PARD3: variants seen among roughly 807,000 people sequenced by gnomAD.
PARD3 encodes par-3 family cell polarity regulator.
A neutral mutation model predicts 155.4 loss-of-function variants in PARD3; 75 were observed. That is an observed-to-expected ratio of 0.48 (90% CI 0.40 to 0.58). The LOEUF (loss-of-function observed/expected upper bound fraction) is 0.58, where lower values mean the gene tolerates loss of function less well. PARD3 is among the 20% of genes least tolerant of loss of function. The pLI is 0.00. For synonymous variants in PARD3, 576 were observed against 610.5 expected (o/e 0.94, Z 0.83); for missense variants, 1,642 against 1,721.7 (o/e 0.95, Z 0.82).
At chr10:34,666,922 A>G (rs1043927464) in intron 2 of PARD3, among the ~76,000 whole-genome samples, 1 of 151,694 alleles carries the variant, frequency 6.6e-6, no homozygotes, top group Non-Finnish European at 1.5e-5. Flanking sequence ...TAATCCCAGC[A>G]CTTTGGGAGA....
chr10:34,720,751 C>T (rs1457616035), intron 1 of PARD3, among the ~76,000 whole-genome samples: 1 of 151,884 alleles, frequency 6.6e-6, no homozygotes, highest in Non-Finnish European at 1.5e-5. Flanking sequence ...GAGCCAAGAT[C>T]GCGCCATTGC....
At chr10:34,629,303 T>G (rs1398133664) in intron 2 of PARD3, among the ~76,000 whole-genome samples, 1 of 152,200 alleles carries the variant, frequency 6.6e-6, no homozygotes, top group Admixed American at 6.5e-5. Flanking sequence ...ATCTACACCT[T>G]AGGAGGCAAA....
In PARD3 at chr10:34,652,994, A is replaced by C. The variant is rs566544617; in HGVS notation, c.222+43324T>G. ...TTTAATGACAAACCTTAGAGCTCTA[A>C]AGGAAGGGAGGGGGCACAGACTCGC... On this transcript the variant is annotated intron_variant, in intron 2 of 24. Transcript: ENST00000374788. Among the ~76,000 whole-genome samples the C allele has an allele frequency of 7.9e-5, 12 of 152,304 alleles. No individual in the cohort carries two copies. The South Asian group carries it at 2.3e-3, about 29-fold the overall frequency.
chr10:34,504,611 C>A (rs181683320), intron 3 of PARD3, among the ~76,000 whole-genome samples: 45 of 152,232 alleles, frequency 3.0e-4, no homozygotes, highest in Non-Finnish European at 5.7e-4. Flanking sequence ...CAGAGAGAGA[C>A]TACCAGCTGT....
chr10:34,315,420 C>A (rs1242609013), intron 20 of PARD3, among the ~76,000 whole-genome samples: 1 of 152,186 alleles, frequency 6.6e-6, no homozygotes, highest in East Asian at 1.9e-4. Flanking sequence ...CAGAACAGAG[C>A]ACTTAAACAG....
At chr10:34,201,507 C>T (rs1474545638) in intron 22 of PARD3, among the ~76,000 whole-genome samples, 4 of 152,272 alleles carry the variant, frequency 2.6e-5, no homozygotes, top group African/African-American at 9.6e-5. Context: ...ATACTAAGGG[C>T]ATAGAATGCT....
In PARD3 at chr10:34,110,966, C is replaced by G. The variant is rs577997932; in HGVS notation, c.*203G>C. On this transcript the variant is annotated 3_prime_UTR_variant, in exon 25 of 25. Transcript: ENST00000374788. ...AGATGATTGTCACAGGGTGGGAAAT[C>G]CTTCCATGAAACAGACACTTGAGAC... 8 of 498,962 alleles carry G rather than the reference C, an allele frequency of 1.6e-5. No individual in the cohort carries two copies. The highest frequency in any genetic ancestry group is 2.4e-5 in the Non-Finnish European group (7 of 290,266). The allele number at this position is 498,962 out of a possible 1,614,324, so 30.9% of individuals were successfully genotyped here.
At chr10:34,121,247 C>A (rs1023324844) in intron 23 of PARD3, among the ~76,000 whole-genome samples, 1 of 152,180 alleles carries the variant, frequency 6.6e-6, no homozygotes, top group African/African-American at 2.4e-5. Flanking sequence ...CCTTCTAGAT[C>A]TGGCCTTTTG....
chr10:34,400,208 C>T (rs1361615935), intron 6 of PARD3, among the ~76,000 whole-genome samples: 1 of 152,158 alleles, frequency 6.6e-6, no homozygotes, highest in Non-Finnish European at 1.5e-5. Context: ...AACTCTTGTG[C>T]TCAAGCAATC....
intron 10 of PARD3, among the ~76,000 whole-genome samples, chr10:34,377,327 G>A (rs1267239585): frequency 6.6e-6 from 1 of 152,096 alleles, no homozygotes; most frequent in Non-Finnish European, 1.5e-5. Context: ...AACTAAATGG[G>A]GCTGGGCATG....
chr10:34,453,014 T>A (rs888858309), intron 4 of PARD3, among the ~76,000 whole-genome samples: 2 of 152,202 alleles, frequency 1.3e-5, no homozygotes, highest in Non-Finnish European at 2.9e-5. Flanking sequence ...GGACACAGGC[T>A]CTGGCCATAT....
At chr10:34,524,506 A>G (rs1261208859) in intron 2 of PARD3, among the ~76,000 whole-genome samples, 1 of 152,228 alleles carries the variant, frequency 6.6e-6, no homozygotes, top group Non-Finnish European at 1.5e-5. Flanking sequence ...CAGACTAATT[A>G]GATTCCCAGT....
At chr10:34,335,575 TG>T (rs1836086902) in intron 18 of PARD3, among the ~76,000 whole-genome samples, 2 of 152,020 alleles carry the variant, frequency 1.3e-5, no homozygotes, top group Admixed American at 6.5e-5. Flanking sequence ...ATTGTTTCTA[TG>T]GAATGATTTG....
At chr10:34,251,099 A>T (rs1954278898) in intron 22 of PARD3, among the ~76,000 whole-genome samples, 1 of 152,208 alleles carries the variant, frequency 6.6e-6, no homozygotes, top group Admixed American at 6.5e-5. Flanking sequence ...ACGCTTCCTA[A>T]TTACAGAAAT....
At chr10:34,629,265 A>C (rs2092140106) in intron 2 of PARD3, among the ~76,000 whole-genome samples, 1 of 152,182 alleles carries the variant, frequency 6.6e-6, no homozygotes, top group South Asian at 2.1e-4. Context: ...AAAACCTGTT[A>C]AAATTAAATT....
At chr10:34,409,559 C>T (rs1025482783) in intron 5 of PARD3, among the ~76,000 whole-genome samples, 4 of 152,134 alleles carry the variant, frequency 2.6e-5, no homozygotes, top group African/African-American at 9.7e-5. Flanking sequence ...CATATTTATC[C>T]CAGATGACCA....
At chr10:34,647,883 A>G (rs1264843067) in intron 2 of PARD3, among the ~76,000 whole-genome samples, 2 of 152,214 alleles carry the variant, frequency 1.3e-5, no homozygotes, top group African/African-American at 4.8e-5. Flanking sequence ...TGGAGTAGGG[A>G]TATTTAAGTG....
intron 1 of PARD3, among the ~76,000 whole-genome samples, chr10:34,790,962 G>A (rs374408124): frequency 2.0e-5 from 3 of 152,038 alleles, no homozygotes; most frequent in East Asian, 1.9e-4. Flanking sequence ...TGCGTGGCAC[G>A]CACATGGGCT....
chr10:34,743,379 C>G (rs2095053036), intron 1 of PARD3, among the ~76,000 whole-genome samples: 2 of 152,340 alleles, frequency 1.3e-5, no homozygotes, highest in Middle Eastern at 3.4e-3. Context: ...TGGTGGTACA[C>G]CTTCAGATCA....
Sources: allele counts gnomAD v4.1 joint callset (sites outside exome capture counted in the v4.1 genomes callset), GRCh38; gene constraint gnomAD v4.1.1; transcripts MANE v1.5; gene names NCBI Gene and HGNC (gene_info 2026-07-23, HGNC 2026-07-21).